The following SLC9A9 variants were observed in gnomAD, a reference collection of about 807,000 sequenced individuals.
SLC9A9 encodes the protein solute carrier family 9 member A9.
SLC9A9 carries 62 observed loss-of-function variants against 77.8 expected under a neutral mutation model. The observed-to-expected ratio is 0.80, with a 90% CI of 0.65 to 0.98. SLC9A9 has a LOEUF of 0.98. SLC9A9 is among the 50% of genes least tolerant of loss of function. The pLI, the probability that SLC9A9 is intolerant of heterozygous loss-of-function variation, is 0.00. For missense variants in SLC9A9, 775 were observed against 774.9 expected (o/e 1.00, Z 0.00); for synonymous variants, 320 against 283.5 (o/e 1.13, Z -1.29).
intron 6 of SLC9A9, among the ~76,000 whole-genome samples, chr3:143,622,274 G>A (rs1013482228): frequency 4.6e-5 from 7 of 152,146 alleles, no homozygotes. Flanking sequence ...ACGCCACAAA[G>A]ATACTCCTCG....
intron 9 of SLC9A9, chr3:143,517,910 G>T (rs767012097): frequency 6.0e-6 from 9 of 1,511,386 alleles, no homozygotes; most frequent in African/African-American, 1.4e-5. Context: ...CATCTCCTCC[G>T]TTATCTCCGC....
chr3:143,738,202 G>A (rs900996152), intron 4 of SLC9A9, among the ~76,000 whole-genome samples: 1 of 152,188 alleles, frequency 6.6e-6, no homozygotes, highest in Non-Finnish European at 1.5e-5. Flanking sequence ...TAGCAGATAT[G>A]TGGGCCTTAA....
chr3:143,266,013 A>C lies in SLC9A9; in HGVS notation c.*689T>G, dbSNP rs772356232. 1.4e-6 allele frequency: 1 copy of C among 701,228 alleles called. No homozygotes were observed. Among genetic ancestry groups the C allele is most frequent in the Non-Finnish European group, 2.6e-6 (1 of 384,298 alleles). 43.4% of individuals were successfully genotyped at this position (701,228 alleles called of 1,614,324 possible). On this transcript the variant is annotated 3_prime_UTR_variant, in exon 16 of 16. Coordinates refer to ENST00000316549, the MANE Select transcript of SLC9A9 (RefSeq NM_173653.4). ...CTGGTTTTCTTGGAATGGTCCTACTAAGCTTGAAAGTGGTGCTGCATTTAG... is the reference window on the plus strand; with the variant it reads ...CTGGTTTTCTTGGAATGGTCCTACTCAGCTTGAAAGTGGTGCTGCATTTAG...
Position 143,793,588 on chromosome 3 carries a change from G to A in SLC9A9, c.533+1413C>T, listed in dbSNP as rs1206022691. Among the ~76,000 whole-genome samples, 4 of 152,208 alleles carry A rather than the reference G, an allele frequency of 2.6e-5. 1 individual carries two copies. The highest frequency in any genetic ancestry group is 5.9e-5 in the Non-Finnish European group (4 of 68,038). ...CCCTCTCTCAATGTGTAGAAACAATGTATAGGGATGTTTATGAATTCAAGA... is the reference window on the plus strand; with the variant it reads ...CCCTCTCTCAATGTGTAGAAACAATATATAGGGATGTTTATGAATTCAAGA... On this transcript the variant is annotated intron_variant, in intron 4 of 15. Coordinates refer to ENST00000316549, the MANE Select transcript of SLC9A9 (RefSeq NM_173653.4).
rs111662570 is a variant in SLC9A9 at position 143,578,552 on chromosome 3, AG to A, written c.894+32del. On this transcript the variant is annotated intron_variant, in intron 7 of 15. Coordinates refer to ENST00000316549, the MANE Select transcript of SLC9A9 (RefSeq NM_173653.4). ...TCCATGGATACTGACTGTTCTTGAC[AG>A]TCCCAGCTTTCCACATACAGACAAA... The A allele has an allele frequency of 3.7e-5, 60 of 1,613,634 alleles. 2 individuals are homozygous for A. The African/African-American group carries it at 4.4e-4, about 12-fold the overall frequency.
At chr3:143,732,533 G>T (rs540903849) in intron 4 of SLC9A9, among the ~76,000 whole-genome samples, 6 of 152,164 alleles carry the variant, frequency 3.9e-5, no homozygotes, top group African/African-American at 7.2e-5. Context: ...TCAGTTGCGC[G>T]TGTGACTGTC....
intron 4 of SLC9A9, among the ~76,000 whole-genome samples, chr3:143,741,474 A>T (rs1186253047): frequency 6.6e-6 from 1 of 152,226 alleles, no homozygotes; most frequent in Non-Finnish European, 1.5e-5. Flanking sequence ...GGATGGTAAG[A>T]GACAAATCTC....
At chr3:143,364,660 G>A (rs2032850466) in intron 13 of SLC9A9, among the ~76,000 whole-genome samples, 1 of 152,196 alleles carries the variant, frequency 6.6e-6, no homozygotes, top group South Asian at 2.1e-4. Context: ...TGAAACGTAT[G>A]TGTACCAGTA....
At chr3:143,597,155 G>C (rs1237164679) in intron 6 of SLC9A9, among the ~76,000 whole-genome samples, 1 of 152,248 alleles carries the variant, frequency 6.6e-6, no homozygotes, top group Non-Finnish European at 1.5e-5. Flanking sequence ...GAGTCAGCAA[G>C]TTTGGTGCGC....
intron 9 of SLC9A9, chr3:143,518,061 C>T: frequency 2.0e-6 from 3 of 1,522,022 alleles, no homozygotes; most frequent in South Asian, 1.1e-5. Context: ...GGTTTTTCTT[C>T]CTTGGTATTT....
chr3:143,413,247 G>T lies in SLC9A9; in HGVS notation c.1470-31133C>A, dbSNP rs1218393926. Among the ~76,000 whole-genome samples the T allele has an allele frequency of 2.0e-5, 3 of 152,314 alleles. No homozygotes were observed. In the East Asian group the frequency reaches 5.8e-4, roughly 29 times the overall value. ...GACTTAGGAAAGACCCAGCCCAGAG[G>T]TGTGTGCTTTTCCAAAGACTTGTCA... is the stretch of plus-strand genomic sequence containing the variant. On this transcript the variant is annotated intron_variant, in intron 12 of 15. Coordinates refer to ENST00000316549, the MANE Select transcript of SLC9A9 (RefSeq NM_173653.4).
At chr3:143,536,656 T>C (rs1420962582) in intron 9 of SLC9A9, among the ~76,000 whole-genome samples, 3 of 152,202 alleles carry the variant, frequency 2.0e-5, no homozygotes, top group African/African-American at 7.2e-5. Flanking sequence ...GGGACTGCCT[T>C]CCCATATCTG....
At chr3:143,676,377 G>A (rs1932887050) in intron 5 of SLC9A9, among the ~76,000 whole-genome samples, 1 of 152,152 alleles carries the variant, frequency 6.6e-6, no homozygotes, top group South Asian at 2.1e-4. Context: ...TGTTTAAAAT[G>A]AGAAACAAAG....
At chr3:143,333,330 T>A (rs1285359037) in intron 14 of SLC9A9, among the ~76,000 whole-genome samples, 4 of 150,414 alleles carry the variant, frequency 2.7e-5, no homozygotes, top group African/African-American at 9.8e-5. Flanking sequence ...TAATTGTTAT[T>A]TAGCAAGCAA....
chr3:143,655,559 C>T (rs1188528940), intron 5 of SLC9A9: 5 of 985,332 alleles, frequency 5.1e-6, no homozygotes, highest in Non-Finnish European at 6.0e-6. Context: ...GTTCCTTCTC[C>T]TCTACATACC....
At chr3:143,373,393 T>C (rs1328499776) in intron 13 of SLC9A9, among the ~76,000 whole-genome samples, 1 of 152,076 alleles carries the variant, frequency 6.6e-6, no homozygotes, top group Non-Finnish European at 1.5e-5. Flanking sequence ...AAATGTAAGC[T>C]AAGCTATGGG....
intron 9 of SLC9A9, among the ~76,000 whole-genome samples, chr3:143,525,823 A>G (rs2108617068): frequency 6.6e-6 from 1 of 152,364 alleles, no homozygotes; most frequent in South Asian, 2.1e-4. Context: ...ACCAATAATG[A>G]CAAAAGAAAA....
At chr3:143,339,929 T>A (rs765617234) in intron 14 of SLC9A9, among the ~76,000 whole-genome samples, 3 of 152,132 alleles carry the variant, frequency 2.0e-5, no homozygotes, top group Non-Finnish European at 4.4e-5. Context: ...AATTATGGCT[T>A]CCAAAAGGTA....
intron 1 of SLC9A9, among the ~76,000 whole-genome samples, chr3:143,838,325 C>T (rs78611895): frequency 1.3e-5 from 2 of 152,148 alleles, no homozygotes; most frequent in East Asian, 1.9e-4. Context: ...GCGTCAATGA[C>T]GCACATCAAG....
Sources: allele counts gnomAD v4.1 joint callset (sites outside exome capture counted in the v4.1 genomes callset), GRCh38; gene constraint gnomAD v4.1.1; transcripts MANE v1.5; gene names NCBI Gene and HGNC (gene_info 2026-07-23, HGNC 2026-07-21).